Variants in NDST4 observed in about 807,000 individuals in gnomAD.
NDST4 encodes the protein N-heparan sulfate sulfotransferase 4.
Under a neutral mutation model 100.8 loss-of-function variants are expected in NDST4, and 63 were observed. That is an observed-to-expected ratio of 0.62 (90% CI 0.51 to 0.77). The LOEUF (loss-of-function observed/expected upper bound fraction) is 0.77. NDST4 is among the 30% of genes least tolerant of loss of function. The pLI, the probability that NDST4 is intolerant of heterozygous loss-of-function variation, is 0.00. For missense variants in NDST4, 943 were observed against 1,018.4 expected, an observed-to-expected ratio of 0.93 and a Z score of 1.01; for synonymous variants, 377 against 361.8, an observed-to-expected ratio of 1.04 and a Z score of -0.48.
chr4:114,913,436 G>A (rs867215198), intron 6 of NDST4, among the ~76,000 whole-genome samples: 2 of 152,070 alleles, frequency 1.3e-5, no homozygotes, highest in Middle Eastern at 3.4e-3. Context: ...GTTGACTTAC[G>A]ATATGCGGAA....
intron 6 of NDST4, among the ~76,000 whole-genome samples, chr4:114,876,732 C>A: frequency 6.6e-6 from 1 of 152,078 alleles, no homozygotes; most frequent in East Asian, 1.9e-4. Context: ...AGCTTGGAGT[C>A]TACTATTTAG....
At chr4:114,932,992 A>T (rs935215297) in intron 6 of NDST4, among the ~76,000 whole-genome samples, 4 of 152,124 alleles carry the variant, frequency 2.6e-5, no homozygotes, top group African/African-American at 9.7e-5. Flanking sequence ...CTATGGATTC[A>T]CAAAAGACCC....
intron 2 of NDST4, among the ~76,000 whole-genome samples, chr4:115,060,632 C>A (rs537863536): frequency 6.6e-6 from 1 of 151,754 alleles, no homozygotes; most frequent in Non-Finnish European, 1.5e-5. Context: ...GATGGTCCAC[C>A]TTAGGTATAT....
intron 2 of NDST4, among the ~76,000 whole-genome samples, chr4:115,000,257 TAA>T (rs1237694505): frequency 1.6e-4 from 24 of 151,832 alleles, no homozygotes; most frequent in Admixed American, 5.3e-4. Flanking sequence ...AGGGTAAAGT[TAA>T]ATGACATAAA....
chr4:115,006,371 A>G (rs892422937), intron 2 of NDST4, among the ~76,000 whole-genome samples: 1 of 152,146 alleles, frequency 6.6e-6, no homozygotes, highest in African/African-American at 2.4e-5. Context: ...GATGAATAGA[A>G]GCTGAATCAG....
Position 115,076,746 on chromosome 4 carries a change from A to C in NDST4, c.291T>G (p.Ala97=). ...QYSQLGQDII[A]ILESSRFQYH... ...ACTGAAATCGGCTGGACTCCAAAAT[A>C]GCTATGATATCTTGACCGAGTTGAG... is the stretch of plus-strand genomic sequence containing the variant. The change falls in exon 2 of 14, where the codon GCT becomes GCG. Residue 97 remains alanine (A), a synonymous_variant. Coordinates refer to ENST00000264363, the MANE Select transcript of NDST4 (RefSeq NM_022569.3). The C allele has an allele frequency of 6.2e-7, 1 of 1,613,984 alleles. No individual in the cohort carries two copies. The highest frequency in any genetic ancestry group is 1.7e-5 in the Admixed American group (1 of 59,998).
At chr4:114,872,418 C>T (rs781679845) in intron 6 of NDST4, among the ~76,000 whole-genome samples, 2 of 151,948 alleles carry the variant, frequency 1.3e-5, no homozygotes, top group Admixed American at 6.6e-5. Context: ...GCCAATGTTA[C>T]GCTGACCAAT....
Position 115,100,464 on chromosome 4 carries a change from A to G in NDST4, c.-247+12980T>C, listed in dbSNP as rs1182739786. Among the ~76,000 whole-genome samples the G allele has an allele frequency of 2.0e-4, 31 of 152,022 alleles. 1 individual carries two copies. Among genetic ancestry groups the G allele is most frequent in the Admixed American group, 2.0e-3 (31 of 15,258 alleles). On this transcript the variant is annotated intron_variant, in intron 1 of 13. Coordinates refer to ENST00000264363, the MANE Select transcript of NDST4 (RefSeq NM_022569.3). Reference sequence around the variant, plus strand: ...TCTGCTGGGAATCTTAAAGTGCTCTAAAAAGTTAAGTCTATTCAAAAAAAG... The same window carrying G: ...TCTGCTGGGAATCTTAAAGTGCTCTGAAAAGTTAAGTCTATTCAAAAAAAG...
At chr4:115,084,975 A>G (rs1472284588) in intron 1 of NDST4, among the ~76,000 whole-genome samples, 1 of 152,130 alleles carries the variant, frequency 6.6e-6, no homozygotes. Context: ...TGCATCATGT[A>G]CTTGAAAAAG....
At chr4:115,007,434 G>A (rs1045406488) in intron 2 of NDST4, among the ~76,000 whole-genome samples, 1 of 152,192 alleles carries the variant, frequency 6.6e-6, no homozygotes, top group Non-Finnish European at 1.5e-5. Context: ...TAAGTGAGAA[G>A]CGAATGTAGA....
intron 4 of NDST4, among the ~76,000 whole-genome samples, chr4:114,961,729 G>A (rs1167765312): frequency 2.0e-5 from 3 of 151,908 alleles, no homozygotes; most frequent in African/African-American, 4.8e-5. Context: ...GCAAGGAACA[G>A]GTGACTTCTA....
chr4:115,008,786 C>T (rs1727477229), intron 2 of NDST4, among the ~76,000 whole-genome samples: 1 of 127,856 alleles, frequency 7.8e-6, no homozygotes, highest in South Asian at 3.1e-4. Context: ...TAGAAAACCC[C>T]ATTGTCTCAG....
intron 11 of NDST4, among the ~76,000 whole-genome samples, chr4:114,837,849 C>T (rs144271890): frequency 0.012 from 1,818 of 152,246 alleles, 42 homozygotes; most frequent in African/African-American, 0.042. Flanking sequence ...AACTAAAGAG[C>T]TTCTGCACAG....
chr4:114,948,457 G>T (rs149358882), intron 4 of NDST4, among the ~76,000 whole-genome samples: 2,535 of 151,986 alleles, frequency 0.017, 66 homozygotes, highest in African/African-American at 0.051. Flanking sequence ...TATACTCAAA[G>T]AATTAAATGA....
intron 7 of NDST4, among the ~76,000 whole-genome samples, chr4:114,857,091 C>T (rs1010592561): frequency 2.6e-5 from 4 of 152,140 alleles, no homozygotes; most frequent in Admixed American, 2.0e-4. Flanking sequence ...CTGGAAGATT[C>T]ATGATACTAT....
intron 5 of NDST4, among the ~76,000 whole-genome samples, chr4:114,936,466 T>C (rs1297690127): frequency 8.5e-5 from 13 of 152,164 alleles, no homozygotes; most frequent in Non-Finnish European, 4.4e-5. Context: ...AGATGATAGA[T>C]GGATTTTAAC....
rs77508802 is a variant in NDST4 at position 114,927,281 on chromosome 4, T to G, written c.1536+7925A>C. Among the ~76,000 whole-genome samples the G allele has an allele frequency of 4.8e-3, 731 of 151,952 alleles. 4 individuals are homozygous for G. Among genetic ancestry groups the G allele is most frequent in the African/African-American group, 0.017 (707 of 41,500 alleles). ...GAGAGATGTAGCCACGATTTAATTG[T>G]ATAAGAACATAGAAATCACGTATTC... On this transcript the variant is annotated intron_variant, in intron 6 of 13. Transcript: ENST00000264363.
At chr4:114,929,104 C>CGAT (rs1560817065) in intron 6 of NDST4, among the ~76,000 whole-genome samples, 5 of 129,936 alleles carry the variant, frequency 3.8e-5, no homozygotes, top group African/African-American at 1.4e-4. Context: ...ATCCATCCAT[C>CGAT]CATCCATCCA....
At chr4:114,950,025 T>C (rs1725955083) in intron 4 of NDST4, among the ~76,000 whole-genome samples, 2 of 152,044 alleles carry the variant, frequency 1.3e-5, no homozygotes, top group African/African-American at 4.8e-5. Flanking sequence ...AATTATGATA[T>C]ATTAATTAGG....
Sources: gnomAD v4.1 joint callset for allele counts (sites outside exome capture counted in the v4.1 genomes callset) on GRCh38, gnomAD v4.1.1 for gene constraint, MANE v1.5 for transcripts, NCBI Gene and HGNC (gene_info 2026-07-23, HGNC 2026-07-21) for gene names.